Variants in UNK observed in about 807,000 individuals in gnomAD.
UNK encodes the protein unk zinc finger.
Under a neutral mutation model 97.6 loss-of-function variants are expected in UNK, and 32 were observed. The observed-to-expected ratio is 0.33, with a 90% CI of 0.25 to 0.44. The LOEUF is 0.44. Ranked by LOEUF, UNK falls within the 20% of genes least tolerant of loss-of-function variation. The pLI is 1.00. For synonymous variants in UNK, 441 were observed against 461.2 expected, an observed-to-expected ratio of 0.96 and a Z score of 0.56; for missense variants, 771 against 1,098.4, an observed-to-expected ratio of 0.70 and a Z score of 4.21.
chr17:75,805,883 A>G (rs1318249186), intron 1 of UNK, among the ~76,000 whole-genome samples: 1 of 151,740 alleles, frequency 6.6e-6, no homozygotes, highest in African/African-American at 2.4e-5. Context: ...CAGAATTAAC[A>G]ATGAACATTT....
In UNK at chr17:75,810,932, G is replaced by A. The variant is rs115105269; in HGVS notation, c.314+963G>A. Among the ~76,000 whole-genome samples the A allele has an allele frequency of 7.3e-3, 1,098 of 151,394 alleles. 14 individuals carry two copies. Among genetic ancestry groups the A allele is most frequent in the African/African-American group, 0.026 (1,068 of 41,200 alleles). On this transcript the variant is annotated intron_variant, in intron 2 of 15. Coordinates refer to ENST00000589666, the MANE Select transcript of UNK (RefSeq NM_001080419.3). ...ATTACAGGCAGGAGCCACTATGCCC[G>A]GCTTCAGTTGATTTCTTTTTTTTTG...
At chr17:75,798,144 C>T (rs2061823758) in intron 1 of UNK, among the ~76,000 whole-genome samples, 1 of 150,850 alleles carries the variant, frequency 6.6e-6, no homozygotes, top group African/African-American at 2.4e-5. Flanking sequence ...GATTTCGGCT[C>T]ACTGCAATCT....
At chr17:75,804,691 T>G (rs2061894166) in intron 1 of UNK, among the ~76,000 whole-genome samples, 1 of 150,208 alleles carries the variant, frequency 6.7e-6, no homozygotes, top group Non-Finnish European at 1.5e-5. Context: ...AATACAAAAA[T>G]TAGCCAGGTG....
intron 1 of UNK, among the ~76,000 whole-genome samples, chr17:75,788,189 T>G (rs2061730830): frequency 6.6e-6 from 1 of 151,122 alleles, no homozygotes; most frequent in Admixed American, 6.6e-5. Context: ...TTTCTTTTTT[T>G]TTTTTTTGGA....
intron 1 of UNK, chr17:75,792,206 G>A (rs1388770261): frequency 1.1e-6 from 1 of 883,390 alleles, no homozygotes; most frequent in Non-Finnish European, 1.4e-6. Context: ...ATTTAAAGCT[G>A]CATTACATTA....
chr17:75,800,420 A>G (rs1412911132), intron 1 of UNK, among the ~76,000 whole-genome samples: 3 of 150,458 alleles, frequency 2.0e-5, no homozygotes, highest in South Asian at 2.2e-4. Context: ...TGACGATTGT[A>G]TGAATTTCAA....
At position 75,819,373 on chromosome 17, in the gene UNK, C is replaced by T; in HGVS notation, c.1547-311C>T. On this transcript the variant is annotated intron_variant, in intron 11 of 15. Coordinates refer to ENST00000589666, the MANE Select transcript of UNK (RefSeq NM_001080419.3). This position sits in a 1 kb window ranked among gnomAD's most constrained non-coding sequence, Gnocchi z 5.4. ...CCCCCACTGATCCCGGGGCTGAGAC[C>T]CTTGAGTTGTAACATCAGGGGACAA... The T allele has an allele frequency of 2.4e-6, 1 of 414,034 alleles. No homozygotes were observed. The allele number at this position is 414,034 out of a possible 1,614,324, so 25.6% of individuals were successfully genotyped here.
intron 1 of UNK, chr17:75,792,567 C>T (rs559302510): frequency 1.2e-6 from 1 of 806,220 alleles, no homozygotes; most frequent in Non-Finnish European, 1.5e-6. Flanking sequence ...TACTATCCCT[C>T]TGGACAATGT....
At chr17:75,786,477 T>G (rs185016807) in intron 1 of UNK, among the ~76,000 whole-genome samples, 1 of 152,238 alleles carries the variant, frequency 6.6e-6, no homozygotes, top group Admixed American at 6.5e-5. Context: ...GGCTTTCTTA[T>G]TTTGGAATTG....
At chr17:75,806,096 C>T (rs1383671336) in intron 1 of UNK, among the ~76,000 whole-genome samples, 1 of 147,560 alleles carries the variant, frequency 6.8e-6, no homozygotes, top group African/African-American at 2.6e-5. Context: ...AAGCGAGACT[C>T]CGTCTCAAAA....
At chr17:75,810,093 C>T (rs1230011669) in intron 2 of UNK, 124 bp downstream of exon 2, 25 of 1,179,390 alleles carry the variant, frequency 2.1e-5, no homozygotes, top group East Asian at 2.0e-4. Context: ...GCCCATGGCC[C>T]GAGCCTGGAC....
At chr17:75,822,871 C>A (rs2062081871) in intron 14 of UNK, among the ~76,000 whole-genome samples, 1 of 152,244 alleles carries the variant, frequency 6.6e-6, no homozygotes, top group Non-Finnish European at 1.5e-5. Flanking sequence ...CAAATTCTCT[C>A]TGTGAGCTGC....
chr17:75,801,250 T>C (rs535345088), intron 1 of UNK, among the ~76,000 whole-genome samples: 22 of 152,266 alleles, frequency 1.4e-4, no homozygotes, highest in Admixed American at 5.9e-4. Context: ...ATACCTCTTA[T>C]GTCAAAAGAA....
At position 75,819,441 on chromosome 17, in the gene UNK, C is replaced by A. The variant is rs114507348; in HGVS notation, c.1547-243C>A. ...GGGACCCTGGATGGGGATGTGATTT[C>A]TCCTGGAAGTATCAAAGAAGATTCA... On this transcript the variant is annotated intron_variant, in intron 11 of 15. Coordinates refer to ENST00000589666, the MANE Select transcript of UNK (RefSeq NM_001080419.3). This position sits in a 1 kb window ranked among gnomAD's most constrained non-coding sequence, Gnocchi z 5.4. 715 of 554,068 alleles carry A rather than the reference C, an allele frequency of 1.3e-3. 1 individual carries two copies. Among genetic ancestry groups the A allele is most frequent in the African/African-American group, 0.012 (640 of 52,932 alleles). 34.3% of individuals were successfully genotyped at this position (554,068 alleles called of 1,614,324 possible).
chr17:75,823,421 C>T lies in UNK; in HGVS notation c.2176C>T (p.Pro726Ser). 2 of 1,597,324 alleles carry T rather than the reference C, an allele frequency of 1.3e-6. No individual in the cohort carries two copies. Among genetic ancestry groups the T allele is most frequent in the Non-Finnish European group, 1.7e-6 (2 of 1,170,972 alleles). ...ELERLHAGPE[P>S]QALPAFSDLE... ...GGAGCGGCTACACGCGGGGCCTGAG[C>T]CCCAGGCCCTGCCCGCCTTCTCCGA... Residue 726 changes from proline (P) to serine (S), a missense_variant, in exon 15 of 16, where the codon CCC (proline) becomes TCC (serine). Around this residue, in one of 5 missense-constraint regions of UNK, gnomAD observed 208 missense variants for 257.4 expected, o/e 0.81. Coordinates refer to ENST00000589666, the MANE Select transcript of UNK (RefSeq NM_001080419.3).
intron 1 of UNK, among the ~76,000 whole-genome samples, chr17:75,793,110 A>G (rs1331452046): frequency 6.6e-6 from 1 of 152,222 alleles, no homozygotes; most frequent in Non-Finnish European, 1.5e-5. Flanking sequence ...AGGTGCTGGT[A>G]ATTATACTTT....
At chr17:75,813,970 T>C in intron 6 of UNK, 92 bp downstream of exon 6, 1 of 1,163,534 alleles carries the variant, frequency 8.6e-7, no homozygotes, top group Non-Finnish European at 1.2e-6. Context: ...CCCATCCTGA[T>C]GCCATCCTGG....
rs769976770 is a variant in UNK, at chr17:75,788,182, CTTTTTTTT to C, written c.104+3205_104+3212del. On this transcript the variant is annotated intron_variant, in intron 1 of 15. Coordinates refer to ENST00000589666, the MANE Select transcript of UNK (RefSeq NM_001080419.3). ...GTAAGTTTTTGCCTGTCAATTTTTT[CTTTTTTTT>C]TTTTTTGGAGACAAAGTCTCACTCT... Among the ~76,000 whole-genome samples, 428 of 141,874 alleles carry C rather than the reference CTTTTTTTT, an allele frequency of 3.0e-3. 1 individual carries two copies. The highest frequency in any genetic ancestry group is 5.2e-3 in the Non-Finnish European group (333 of 64,416). The allele number at this position is 141,874 out of a possible 152,430, so 93.1% of individuals were successfully genotyped here. A position where few individuals can be genotyped will look rare whatever the true frequency, so the allele number is the denominator to read the frequency against.
Position 75,815,238 on chromosome 17 carries a change from T to G in UNK, c.946T>G (p.Phe316Val). ...CTGTCCCCGAGGACCCTTCTGCGCC[T>G]TTGCCCACGTAGAACGTATGCTGTT... is the stretch of plus-strand genomic sequence containing the variant. ...GSCPRGPFCA[F>V]AHVEQPPLSD... is the part of the protein sequence containing the mutation. Residue 316 changes from phenylalanine (F) to valine (V), a missense_variant, in exon 7 of 16, where the codon TTT becomes GTT. By Grantham distance (50) the Phe-to-Val change is conservative. Around this residue, in one of 5 missense-constraint regions of UNK, gnomAD observed 246 missense variants for 440.7 expected, o/e 0.56. Transcript: ENST00000589666. The G allele has an allele frequency of 6.2e-7, 1 of 1,613,204 alleles. No individual in the cohort carries two copies. Among genetic ancestry groups the G allele is most frequent in the Non-Finnish European group, 8.5e-7 (1 of 1,179,536 alleles).
Sources: allele counts gnomAD v4.1 joint callset (sites outside exome capture counted in the v4.1 genomes callset), GRCh38; gene constraint gnomAD v4.1.1; regional missense constraint gnomAD v4.1.1; non-coding constraint Gnocchi (gnomAD v3.1); transcripts MANE v1.5; gene names NCBI Gene and HGNC (gene_info 2026-07-23, HGNC 2026-07-21).